RGS7: variants seen among roughly 807,000 people sequenced by gnomAD.
RGS7 encodes the protein regulator of G-protein signaling 7.
RGS7 carries 27 observed loss-of-function variants against 81.1 expected under a neutral mutation model. The observed-to-expected ratio is 0.33, with a 90% confidence interval of 0.25 to 0.46. The LOEUF (loss-of-function observed/expected upper bound fraction) is 0.46. RGS7 is among the 20% of genes least tolerant of loss of function. RGS7 has a pLI of 1.00. For synonymous variants in RGS7, 208 were observed against 207.7 expected (o/e 1.00, Z -0.01); for missense variants, 396 against 607.4 (o/e 0.65, Z 3.66).
intron 2 of RGS7, 148 bp downstream of exon 2, chr1:241,355,551 G>C: frequency 1.3e-6 from 1 of 752,542 alleles, no homozygotes; most frequent in Non-Finnish European, 2.4e-6. Flanking sequence ...GAGAATGTCA[G>C]ATCACTTTCA....
chr1:240,960,217 C>CTTCTTTTTTTTTTTTTTTTTT, intron 4 of RGS7, among the ~76,000 whole-genome samples: 11 of 8,954 alleles, frequency 1.2e-3, no homozygotes, highest in Non-Finnish European at 1.6e-3. Flanking sequence ...TCTTCTTCTT[C>CTTCTTTTTTTTTTTTTTTTTT]TTTTTTTTTT....
chr1:241,180,307 G>A (rs985098331), intron 2 of RGS7, among the ~76,000 whole-genome samples: 41 of 151,970 alleles, frequency 2.7e-4, no homozygotes, highest in South Asian at 2.1e-4. Context: ...CCCGGGAGGC[G>A]GAGATTGCAG....
intron 3 of RGS7, among the ~76,000 whole-genome samples, chr1:241,022,020 T>C (rs1482578650): frequency 6.6e-6 from 1 of 152,202 alleles, no homozygotes; most frequent in Admixed American, 6.5e-5. Context: ...GCTGTGCGGT[T>C]AAGACAGCAG....
At chr1:241,117,150 A>C (rs2065935762) in intron 2 of RGS7, among the ~76,000 whole-genome samples, 1 of 152,200 alleles carries the variant, frequency 6.6e-6, no homozygotes, top group South Asian at 2.1e-4. Flanking sequence ...ATAAAATATA[A>C]ATGTCCTTGA....
At chr1:240,836,210 C>T (rs773561392) in intron 9 of RGS7, among the ~76,000 whole-genome samples, 1 of 152,088 alleles carries the variant, frequency 6.6e-6, no homozygotes, top group African/African-American at 2.4e-5. Flanking sequence ...GAATTCAGTA[C>T]TTTCCACTTA....
intron 18 of RGS7, among the ~76,000 whole-genome samples, chr1:240,785,395 T>G (rs1012537721): frequency 6.6e-6 from 1 of 152,238 alleles, no homozygotes; most frequent in Non-Finnish European, 1.5e-5. Context: ...TCCGGTTCCC[T>G]CTTTGAATTC....
chr1:240,809,386 C>A (rs956947793), intron 14 of RGS7, among the ~76,000 whole-genome samples: 3 of 152,066 alleles, frequency 2.0e-5, no homozygotes, highest in Non-Finnish European at 4.4e-5. Context: ...GTAAGATGCA[C>A]GGAGAGTTAT....
At chr1:241,203,507 G>C (rs968392602) in intron 2 of RGS7, among the ~76,000 whole-genome samples, 1 of 152,156 alleles carries the variant, frequency 6.6e-6, no homozygotes, top group Non-Finnish European at 1.5e-5. Context: ...TGGGATTACA[G>C]GTGTGAGCCA....
At chr1:241,183,381 G>A (rs2071806484) in intron 2 of RGS7, among the ~76,000 whole-genome samples, 1 of 152,182 alleles carries the variant, frequency 6.6e-6, no homozygotes, top group Non-Finnish European at 1.5e-5. Flanking sequence ...GAATAGGCAG[G>A]ACTAGAACCT....
chr1:241,221,939 C>T (rs1446499529), intron 2 of RGS7, among the ~76,000 whole-genome samples: 2 of 152,152 alleles, frequency 1.3e-5, no homozygotes, highest in African/African-American at 4.8e-5. Flanking sequence ...TATACTCACA[C>T]ATATACACTT....
intron 2 of RGS7, among the ~76,000 whole-genome samples, chr1:241,312,385 C>A (rs539517045): frequency 1.3e-5 from 2 of 152,268 alleles, no homozygotes; most frequent in Admixed American, 1.3e-4. Context: ...AAGTTTGTGA[C>A]AACTCCGCAC....
intron 4 of RGS7, among the ~76,000 whole-genome samples, chr1:240,957,761 T>A (rs1401048839): frequency 6.6e-6 from 1 of 152,168 alleles, no homozygotes; most frequent in Non-Finnish European, 1.5e-5. Context: ...TGAGGGAAAC[T>A]GGGGGGTGGG....
rs184841198 is a variant in RGS7, at chr1:241,109,680, G to A, written c.79-10918C>T. On this transcript the variant is annotated intron_variant, in intron 2 of 18. Transcript: ENST00000440928. ...TTTGAAATAATTAAGAATTCTGGCC[G>A]GGCGCAGTGGCTCACACCTGTAATT... 7.7e-3 allele frequency among the ~76,000 whole-genome samples: 1,165 copies of A among 151,944 alleles called. 22 individuals carry two copies. Among genetic ancestry groups the A allele is most frequent in the African/African-American group, 0.025 (1,041 of 41,454 alleles).
chr1:240,930,105 A>T (rs1675150354), intron 6 of RGS7, among the ~76,000 whole-genome samples: 1 of 152,182 alleles, frequency 6.6e-6, no homozygotes, highest in South Asian at 2.1e-4. Flanking sequence ...AAGAAGATGA[A>T]TACTTACTAG....
At chr1:240,929,944 C>G (rs750127741) in intron 6 of RGS7, among the ~76,000 whole-genome samples, 8 of 152,224 alleles carry the variant, frequency 5.3e-5, no homozygotes, top group African/African-American at 1.9e-4. Flanking sequence ...GTGAGCTACC[C>G]AATGGTGTCA....
At chr1:240,884,917 A>C (rs1667083603) in intron 6 of RGS7, among the ~76,000 whole-genome samples, 1 of 152,256 alleles carries the variant, frequency 6.6e-6, no homozygotes, top group Non-Finnish European at 1.5e-5. Context: ...ATCTAATTAA[A>C]CTTAAGAGCT....
In RGS7 at chr1:240,947,509, G is replaced by A. The variant is rs560892584; in HGVS notation, c.227-10803C>T. On this transcript the variant is annotated intron_variant, in intron 4 of 18. Transcript: ENST00000440928. ...CTGCTCGGACCAAAAAGCTTGGATCGTCTGATGTCTTTCTCCCATTCACCG... is the reference window on the plus strand; with the variant it reads ...CTGCTCGGACCAAAAAGCTTGGATCATCTGATGTCTTTCTCCCATTCACCG... 1.1e-4 allele frequency among the ~76,000 whole-genome samples: 16 copies of A among 152,188 alleles called. No individual in the cohort carries two copies. In the East Asian group the frequency reaches 1.9e-3, roughly 18 times the overall value.
chr1:240,779,531 G>A (rs999669319), intron 18 of RGS7, among the ~76,000 whole-genome samples: 2 of 152,106 alleles, frequency 1.3e-5, no homozygotes, highest in African/African-American at 2.4e-5. Context: ...GAAGATGGCT[G>A]TCTATGAACC....
chr1:240,917,632 A>G (rs1572752244), intron 6 of RGS7, among the ~76,000 whole-genome samples: 1 of 152,326 alleles, frequency 6.6e-6, no homozygotes, highest in Admixed American at 6.5e-5. Flanking sequence ...GATACTGGGC[A>G]AAAAGGGAAA....
Sources: gnomAD v4.1 joint callset for allele counts (sites outside exome capture counted in the v4.1 genomes callset) on GRCh38, gnomAD v4.1.1 for gene constraint, MANE v1.5 for transcripts, NCBI Gene and HGNC (gene_info 2026-07-23, HGNC 2026-07-21) for gene names.